Variants in MYBPC2 observed in about 807,000 individuals in gnomAD.
The protein encoded by MYBPC2 is myosin-binding protein C, fast-type.
A neutral mutation model predicts 137.0 loss-of-function variants in MYBPC2; 122 were observed. The ratio of observed to expected loss-of-function variants is 0.89; its 90% CI spans 0.77 to 1.03. MYBPC2 has a LOEUF of 1.03. Among genes scored for constraint, MYBPC2 ranks in the 50% least tolerant of loss-of-function variants. The pLI is 0.00. For synonymous variants in MYBPC2, 626 were observed against 612.3 expected (o/e 1.02, Z -0.33); for missense variants, 1,500 against 1,534.4 (o/e 0.98, Z 0.37).
chr19:50,443,668 G>A (rs1033478370), intron 10 of MYBPC2, 43 bp from the exon 11 acceptor site: 8 of 1,611,274 alleles, frequency 5.0e-6, no homozygotes, highest in Non-Finnish European at 5.9e-6. Context: ...GAACTCTGGA[G>A]GGGGTCCTGA....
At chr19:50,438,393 G>A (rs1171480664) in intron 7 of MYBPC2, among the ~76,000 whole-genome samples, 1 of 152,114 alleles carries the variant, frequency 6.6e-6, no homozygotes, top group Non-Finnish European at 1.5e-5. Context: ...GAGGTGGGAG[G>A]ATGGGTGCCT....
In MYBPC2 at chr19:50,436,624, C is replaced by A. The variant is rs746899605; in HGVS notation, c.353C>A (p.Thr118Asn). 28 of 1,613,778 alleles carry A rather than the reference C, an allele frequency of 1.7e-5. No homozygotes were observed. The highest frequency in any genetic ancestry group is 1.9e-5 in the Non-Finnish European group (23 of 1,179,732). ...ESHNSASNVY[T>N]VELHIGKVVL... ...CCCCGGCCCTGGACCCAGGTGTACA[C>A]CGTGGAGCTGCACATTGGGAAGGTG... The change falls in exon 5 of 28, where the codon ACC becomes AAC. Residue 118 changes from threonine (T) to asparagine (N), a missense_variant. Thr to Asn is a moderately conservative substitution (Grantham distance 65). Transcript: ENST00000357701.
chr19:50,460,372 G>A (rs186052868), intron 24 of MYBPC2, among the ~76,000 whole-genome samples, 193 bp downstream of exon 24: 11 of 152,238 alleles, frequency 7.2e-5, no homozygotes, highest in Admixed American at 3.9e-4. Context: ...TGAGGTAAAC[G>A]TCACATAACG....
rs141346634 is a variant in MYBPC2, at chr19:50,455,217, C to G, written c.2124C>G (p.Leu708=). The stretch of plus-strand genomic sequence containing the variant: ...CCACCAAGATGATCGAGGGCATCCT[C>G]TATGAGATGCGTGTCTTCGCCGTCA... ...YESTKMIEGI[L]YEMRVFAVNA... Residue 708 remains leucine (L), a synonymous_variant, in exon 19 of 28, where the codon CTC becomes CTG. Transcript: ENST00000357701. The G allele has an allele frequency of 3.1e-4, 502 of 1,613,978 alleles. No homozygotes were observed. In the African/African-American group the frequency reaches 6.0e-3, roughly 19 times the overall value.
chr19:50,443,892 C>T, intron 11 of MYBPC2, 76 bp downstream of exon 11: 5 of 1,314,392 alleles, frequency 3.8e-6, no homozygotes, highest in Non-Finnish European at 5.4e-6. Context: ...TTTATGGGAC[C>T]TCCTGTGACT....
At position 50,435,375 on chromosome 19, in the gene MYBPC2, C is replaced by A; in HGVS notation, c.109+125C>A. 1 of 656,800 alleles carries A rather than the reference C, an allele frequency of 1.5e-6. No homozygotes were observed. Among genetic ancestry groups the A allele is most frequent in the Admixed American group, 2.8e-5 (1 of 35,592 alleles). 40.7% of individuals were successfully genotyped at this position (656,800 alleles called of 1,614,324 possible). On this transcript the variant is annotated intron_variant, in intron 2 of 27. Coordinates refer to ENST00000357701, the MANE Select transcript of MYBPC2 (RefSeq NM_004533.4). The surrounding 1 kb of genome is among the most constrained non-coding windows in gnomAD (Gnocchi z 4.8). ...TGTCCCCGCACAGCCCCAGGGCTGACCCACGCCTCCCGTGCTCCCAGCCCT... is the reference window on the plus strand; with the variant it reads ...TGTCCCCGCACAGCCCCAGGGCTGAACCACGCCTCCCGTGCTCCCAGCCCT...
intron 20 of MYBPC2, among the ~76,000 whole-genome samples, chr19:50,456,882 C>T (rs1237745287): frequency 1.3e-5 from 2 of 152,226 alleles, no homozygotes; most frequent in African/African-American, 2.4e-5. Context: ...TACCTCCATA[C>T]ATCCACTCTC....
At chr19:50,433,146 G>C (rs2039672230) in intron 1 of MYBPC2, among the ~76,000 whole-genome samples, 174 bp downstream of exon 1, 1 of 152,110 alleles carries the variant, frequency 6.6e-6, no homozygotes, top group Non-Finnish European at 1.5e-5. Flanking sequence ...TGAGGGTCTC[G>C]ACTCTGCATG....
rs1568667735 is a variant in MYBPC2, at chr19:50,458,583, C to A, written c.2339-4C>A. The A allele has an allele frequency of 6.2e-7, 1 of 1,611,104 alleles. No homozygotes were observed. The highest frequency in any genetic ancestry group is 1.7e-5 in the Admixed American group (1 of 59,998). On this transcript the variant is annotated splice_region_variant and splice_polypyrimidine_tract_variant and intron_variant, in intron 20 of 27. Transcript: ENST00000357701. ...AGATCCGCCAGCAGGGCCTCTCTCTCCAGCCGAGGAATGGGTCCCTGCCAA... is the reference window on the plus strand; with the variant it reads ...AGATCCGCCAGCAGGGCCTCTCTCTACAGCCGAGGAATGGGTCCCTGCCAA...
chr19:50,462,869 CCT>C (rs10578017), intron 26 of MYBPC2, among the ~76,000 whole-genome samples: 84,422 of 151,854 alleles, frequency 0.56, 23,970 homozygotes, highest in South Asian at 0.68. Context: ...TTCTTTGTCC[CCT>C]GACTGCCAGG....
chr19:50,459,193 T>A lies in MYBPC2; in HGVS notation c.2678T>A (p.Phe893Tyr), dbSNP rs2039944695. The change falls in exon 23 of 28, where the codon TTC (phenylalanine) becomes TAC (tyrosine). Residue 893 changes from phenylalanine to tyrosine, a missense_variant. By Grantham distance (22) the Phe-to-Tyr change is conservative. Transcript: ENST00000357701. ...CGCGTGCACGTGCGGACCAGCGACTTCGACACCGTGTTCTTCGTGCGCCAG... is the reference window on the plus strand; with the variant it reads ...CGCGTGCACGTGCGGACCAGCGACTACGACACCGTGTTCTTCGTGCGCCAG... ...TSRVHVRTSD[F>Y]DTVFFVRQAA... 2 of 1,609,688 alleles carry A rather than the reference T, an allele frequency of 1.2e-6. No individual in the cohort carries two copies. Among genetic ancestry groups the A allele is most frequent in the South Asian group, 1.1e-5 (1 of 90,576 alleles).
Position 50,455,239 on chromosome 19 carries a change from G to A in MYBPC2, c.2146G>A (p.Val716Ile), listed in dbSNP as rs762135739. 1.3e-5 allele frequency: 21 copies of A among 1,613,620 alleles called. No homozygotes were observed. Among genetic ancestry groups the A allele is most frequent in the Middle Eastern group, 1.6e-4 (1 of 6,062 alleles). ...GILYEMRVFA[V>I]NAIGVSQPSM... ...CCTCTATGAGATGCGTGTCTTCGCC[G>A]TCAATGCTATAGGGGTCTCCCAGCC... Residue 716 changes from valine to isoleucine, a missense_variant, in exon 19 of 28, where the codon GTC becomes ATC. Val to Ile is a conservative substitution (Grantham distance 29, BLOSUM62 3). Coordinates refer to ENST00000357701, the MANE Select transcript of MYBPC2 (RefSeq NM_004533.4).
At chr19:50,458,320 A>AG (rs929466869) in intron 20 of MYBPC2, among the ~76,000 whole-genome samples, 2 of 151,484 alleles carry the variant, frequency 1.3e-5, no homozygotes, top group Non-Finnish European at 2.9e-5. Flanking sequence ...AAAAAAAAAA[A>AG]AAAAGAATTC....
rs1211717458 is a variant in MYBPC2, at chr19:50,459,194, C to A, written c.2679C>A (p.Phe893Leu). 1.2e-6 allele frequency: 2 copies of A among 1,609,604 alleles called. No individual in the cohort carries two copies. The highest frequency in any genetic ancestry group is 1.1e-5 in the South Asian group (1 of 90,554). ...TSRVHVRTSD[F>L]DTVFFVRQAA... is the part of the protein sequence containing the mutation. ...GCGTGCACGTGCGGACCAGCGACTTCGACACCGTGTTCTTCGTGCGCCAGG... is the reference window on the plus strand; with the variant it reads ...GCGTGCACGTGCGGACCAGCGACTTAGACACCGTGTTCTTCGTGCGCCAGG... Residue 893 changes from phenylalanine to leucine, a missense_variant, in exon 23 of 28, where the codon TTC (phenylalanine) becomes TTA (leucine). Coordinates refer to ENST00000357701, the MANE Select transcript of MYBPC2 (RefSeq NM_004533.4).
rs746358696 is a variant in MYBPC2 at position 50,458,955 on chromosome 19, G to A, written c.2544G>A (p.Gln848=). 3.1e-6 allele frequency: 5 copies of A among 1,612,804 alleles called. No individual in the cohort carries two copies. In the South Asian group the frequency reaches 4.4e-5, roughly 14 times the overall value. ...TCCGGCTTCCCCGCCATCTCCGCCA[G>A]ACCTACATCCGCAAAGTGGGCGAGC... ...PKIRLPRHLR[Q]TYIRKVGEQL... is the part of the protein sequence containing the mutation. Residue 848 remains glutamine, a synonymous_variant, in exon 22 of 28, where the codon CAG becomes CAA. Coordinates refer to ENST00000357701, the MANE Select transcript of MYBPC2 (RefSeq NM_004533.4).
chr19:50,437,581 G>A, intron 6 of MYBPC2, 60 bp downstream of exon 6: 2 of 1,593,584 alleles, frequency 1.3e-6, no homozygotes, highest in South Asian at 1.1e-5. Context: ...TCCCTTGGAA[G>A]GGGAAAAAGG....
rs2039694293 is a variant in MYBPC2 at position 50,435,502 on chromosome 19, A to C, written c.109+252A>C. ...CACCAGGTCCGGCCCCGGTCTCTCTAAACCTCTCCCGCCCCAAAGGCACAT... is the reference window on the plus strand; with the variant it reads ...CACCAGGTCCGGCCCCGGTCTCTCTCAACCTCTCCCGCCCCAAAGGCACAT... On this transcript the variant is annotated intron_variant, in intron 2 of 27. Coordinates refer to ENST00000357701, the MANE Select transcript of MYBPC2 (RefSeq NM_004533.4). This position sits in a 1 kb window ranked among gnomAD's most constrained non-coding sequence, Gnocchi z 4.8. Among the ~76,000 whole-genome samples the C allele has an allele frequency of 6.6e-6, 1 of 152,020 alleles. No homozygotes were observed. The highest frequency in any genetic ancestry group is 1.5e-5 in the Non-Finnish European group (1 of 67,988).
chr19:50,443,145 T>A (rs1166179698), intron 9 of MYBPC2, among the ~76,000 whole-genome samples: 1 of 151,744 alleles, frequency 6.6e-6, no homozygotes, highest in African/African-American at 2.4e-5. Context: ...ATTAAAAAAT[T>A]AGAAGATACC....
At chr19:50,446,308 C>T (rs1470890216) in intron 12 of MYBPC2, among the ~76,000 whole-genome samples, 1 of 151,896 alleles carries the variant, frequency 6.6e-6, no homozygotes, top group Non-Finnish European at 1.5e-5. Flanking sequence ...CTTAGGAGTT[C>T]GAGACCAGCC....
Sources: gnomAD v4.1 joint callset for allele counts (sites outside exome capture counted in the v4.1 genomes callset) on GRCh38, gnomAD v4.1.1 for gene constraint, Gnocchi (gnomAD v3.1) non-coding constraint, MANE v1.5 for transcripts, NCBI Gene and HGNC (gene_info 2026-07-23, HGNC 2026-07-21) for gene names.